ZNF514: variants seen among roughly 807,000 people sequenced by gnomAD.
ZNF514 encodes zinc finger protein 514.
A neutral mutation model predicts 9.7 loss-of-function variants in ZNF514; 12 were observed. The ratio of observed to expected loss-of-function variants is 1.24; its 90% confidence interval spans 0.79 to 2.01. ZNF514 has a LOEUF of 2.01. Ranked by LOEUF, ZNF514 falls within the 30% of genes most tolerant of loss-of-function variation. The pLI is 0.00. For synonymous variants in ZNF514, 158 were observed against 163.7 expected (o/e 0.97, Z 0.27); for missense variants, 467 against 465.5 (o/e 1.00, Z -0.03).
At chr2:95,135,169 G>C in the ZNF514 span, among the ~76,000 whole-genome samples, 5 of 152,266 alleles carry the variant, frequency 3.3e-5, no homozygotes, top group East Asian at 9.6e-4. Flanking sequence ...TGAATCTGTA[G>C]ATCAATTTGG....
chr2:95,151,406 G>A (rs867592248), intron 4 of ZNF514, among the ~76,000 whole-genome samples: 7 of 152,224 alleles, frequency 4.6e-5, no homozygotes, highest in Middle Eastern at 3.4e-3. Flanking sequence ...CAAGGACCTC[G>A]GTTTTATAAC....
rs1673386117 is a variant in ZNF514, at chr2:95,147,424, C to T, written c.*1858G>A. ...ATGATTTTTAGTGAAGTTACCAAAT[C>T]GTTCAACCATCACCACCATCTAGTT... is the stretch of plus-strand genomic sequence containing the variant. On this transcript the variant is annotated 3_prime_UTR_variant, in exon 5 of 5. Coordinates refer to ENST00000295208, the MANE Select transcript of ZNF514 (RefSeq NM_032788.3). The T allele has an allele frequency of 6.6e-6, 1 of 152,142 alleles. No individual in the cohort carries two copies. The highest frequency in any genetic ancestry group is 1.5e-5 in the Non-Finnish European group (1 of 68,024). 9.4% of individuals were successfully genotyped at this position (152,142 alleles called of 1,614,324 possible).
Position 95,150,134 on chromosome 2 carries a change from G to A in ZNF514, c.351C>T (p.Cys117=), listed in dbSNP as rs115796112. Reference sequence around the variant, plus strand: ...GCATCTCTAACTGGCCATCACAACCGCAGGCTGCTTTCAACTTCGAGAACT... The same window carrying A: ...GCATCTCTAACTGGCCATCACAACCACAGGCTGCTTTCAACTTCGAGAACT... ...VLQFSKLKAA[C]GCDGQLEMQQ... is the part of the protein sequence containing the mutation. Residue 117 remains cysteine, a synonymous_variant, in exon 5 of 5, where the codon TGC becomes TGT. Transcript: ENST00000295208. 5.0e-3 allele frequency: 8,003 copies of A among 1,611,216 alleles called. 36 individuals are homozygous for A. Among genetic ancestry groups the A allele is most frequent in the Non-Finnish European group, 6.1e-3 (7,248 of 1,179,996 alleles).
intron 1 of ZNF514, among the ~76,000 whole-genome samples, chr2:95,157,789 C>T (rs1573383398): frequency 1.3e-5 from 2 of 152,288 alleles, no homozygotes; most frequent in South Asian, 4.1e-4. Flanking sequence ...CTTCAAGGAA[C>T]TTTAAATCTA....
the ZNF514 span, among the ~76,000 whole-genome samples, chr2:95,128,783 G>C: frequency 6.0e-5 from 9 of 150,720 alleles, no homozygotes; most frequent in East Asian, 1.6e-3. Context: ...AGAAGGAGGA[G>C]GAAGAGGAGG....
At chr2:95,124,335 T>A in the ZNF514 span, among the ~76,000 whole-genome samples, 1 of 152,202 alleles carries the variant, frequency 6.6e-6, no homozygotes, top group African/African-American at 2.4e-5. Flanking sequence ...TTTTTTTCAC[T>A]CAGCATAATA....
In ZNF514 at chr2:95,149,724, T is replaced by C. The variant is rs745668681; in HGVS notation, c.761A>G (p.His254Arg). The change falls in exon 5 of 5, where the codon CAT becomes CGT. Residue 254 changes from histidine to arginine, a missense_variant. Physicochemically the swap from His to Arg is conservative, Grantham distance 29. Coordinates refer to ENST00000295208, the MANE Select transcript of ZNF514 (RefSeq NM_032788.3). Reference protein sequence around the residue: ...ISSLIKHQRTHTGEKPYECSE... With the variant: ...ISSLIKHQRTRTGEKPYECSE... ...GCATTCATAGGGCTTTTCTCCAGTA[T>C]GAGTTCTTTGATGTTTAATAAGGGA... The C allele has an allele frequency of 5.0e-6, 8 of 1,614,248 alleles. No individual in the cohort carries two copies. In the Admixed American group the frequency reaches 1.3e-4, roughly 27 times the overall value.
chr2:95,145,082 G>A lies in ZNF514; in HGVS notation c.*4200C>T, dbSNP rs1274488076. Among the ~76,000 whole-genome samples, 1 of 152,224 alleles carries A rather than the reference G, an allele frequency of 6.6e-6. No individual in the cohort carries two copies. Among genetic ancestry groups the A allele is most frequent in the Non-Finnish European group, 1.5e-5 (1 of 68,042 alleles). The stretch of plus-strand genomic sequence containing the variant: ...ATAGTACAAAAACATGCAGTCGGAA[G>A]CACTGAGAAAACTGGGCAACATAAG... On this transcript the variant is annotated 3_prime_UTR_variant, in exon 5 of 5. Coordinates refer to ENST00000295208, the MANE Select transcript of ZNF514 (RefSeq NM_032788.3).
intron 1 of ZNF514, among the ~76,000 whole-genome samples, chr2:95,157,649 T>C (rs1274311167): frequency 6.6e-6 from 1 of 152,144 alleles, no homozygotes; most frequent in Non-Finnish European, 1.5e-5. Context: ...CTCCCACCTG[T>C]CCACAGCCCA....
chr2:95,131,090 A>G, the ZNF514 span, among the ~76,000 whole-genome samples: 2 of 152,200 alleles, frequency 1.3e-5, no homozygotes, highest in African/African-American at 4.8e-5. Flanking sequence ...GACTTCCCGC[A>G]ATAGGAGGAT....
intron 1 of ZNF514, 140 bp downstream of exon 1, chr2:95,159,100 G>T: frequency 1.9e-6 from 2 of 1,076,076 alleles, no homozygotes; most frequent in Admixed American, 3.6e-5. Flanking sequence ...CTGCCTGGGG[G>T]ACACGGGGCA....
At chr2:95,150,408 T>C (rs1365007197) in intron 4 of ZNF514, 141 bp from the exon 5 acceptor site, 3 of 916,458 alleles carry the variant, frequency 3.3e-6, no homozygotes, top group African/African-American at 3.4e-5. Context: ...ATTTTTTCAA[T>C]AATGGCTTAT....
At chr2:95,134,521 G>A in the ZNF514 span, among the ~76,000 whole-genome samples, 1 of 152,116 alleles carries the variant, frequency 6.6e-6, no homozygotes, top group Non-Finnish European at 1.5e-5. Flanking sequence ...TAAACTTGGT[G>A]GGTTTTAGTA....
the ZNF514 span, among the ~76,000 whole-genome samples, chr2:95,131,007 A>G: frequency 6.6e-6 from 1 of 152,208 alleles, no homozygotes; most frequent in Non-Finnish European, 1.5e-5. Context: ...GGGAACTAAT[A>G]AATGTCCATA....
Position 95,146,357 on chromosome 2 carries a change from A to T in ZNF514, c.*2925T>A, listed in dbSNP as rs1254334261. Among the ~76,000 whole-genome samples the T allele has an allele frequency of 6.6e-6, 1 of 152,236 alleles. No individual in the cohort carries two copies. The highest frequency in any genetic ancestry group is 2.4e-5 in the African/African-American group (1 of 41,456). On this transcript the variant is annotated 3_prime_UTR_variant, in exon 5 of 5. Coordinates refer to ENST00000295208, the MANE Select transcript of ZNF514 (RefSeq NM_032788.3). ...TATGTTTATGATTACAAATGGTAAG[A>T]TATGACTTCATATCAGTTTTCAAGA...
intron 2 of ZNF514, among the ~76,000 whole-genome samples, chr2:95,156,249 G>A (rs1666185975): frequency 6.6e-6 from 1 of 152,188 alleles, no homozygotes; most frequent in African/African-American, 2.4e-5. Context: ...GGAAACCCCG[G>A]AGGCTGGCAT....
rs781102814 is a variant in ZNF514 at position 95,153,259 on chromosome 2, C to A, written c.-6G>T. 1 of 1,613,452 alleles carries A rather than the reference C, an allele frequency of 6.2e-7. No homozygotes were observed. Among genetic ancestry groups the A allele is most frequent in the Admixed American group, 1.7e-5 (1 of 59,982 alleles). On this transcript the variant is annotated splice_region_variant and 5_prime_UTR_variant, in exon 3 of 5. Coordinates refer to ENST00000295208, the MANE Select transcript of ZNF514 (RefSeq NM_032788.3). ...GCCACATCTTCAAATGTCATCAGGT[C>A]CTGAAACACAGAAGACACTCCAGTG... is the stretch of plus-strand genomic sequence containing the variant.
chr2:95,141,708 T>C (rs1174617572), downstream of ZNF514, among the ~76,000 whole-genome samples: 1 of 152,136 alleles, frequency 6.6e-6, no homozygotes, highest in Non-Finnish European at 1.5e-5. Context: ...CATTATCAGG[T>C]ACCATTAGCA....
chr2:95,128,053 C>T, the ZNF514 span, among the ~76,000 whole-genome samples: 2 of 152,074 alleles, frequency 1.3e-5, no homozygotes, highest in Admixed American at 1.3e-4. Flanking sequence ...TCAAGACCAG[C>T]CCTGGACAAC....
Sources: gnomAD v4.1 joint callset for allele counts (sites outside exome capture counted in the v4.1 genomes callset) on GRCh38, gnomAD v4.1.1 for gene constraint, MANE v1.5 for transcripts, NCBI Gene and HGNC (gene_info 2026-07-23, HGNC 2026-07-21) for gene names.